Variants in TADA2A observed in about 807,000 individuals in gnomAD.
TADA2A encodes the protein transcriptional adaptor 2A.
Under a neutral mutation model 67.4 loss-of-function variants are expected in TADA2A, and 38 were observed. That is an observed-to-expected ratio of 0.56 (90% CI 0.44 to 0.74). The LOEUF (loss-of-function observed/expected upper bound fraction) is 0.74. Among genes scored for constraint, TADA2A ranks in the 30% least tolerant of loss-of-function variants. The probability of loss-of-function intolerance (pLI) is 0.00; values close to 1 mark genes in which losing one functional copy is unlikely to be tolerated. For synonymous variants in TADA2A, 192 were observed against 181.6 expected (o/e 1.06, Z -0.46); for missense variants, 454 against 547.0 (o/e 0.83, Z 1.70).
At chr17:37,449,995 T>G (rs1023574568) in intron 8 of TADA2A, among the ~76,000 whole-genome samples, 1 of 152,166 alleles carries the variant, frequency 6.6e-6, no homozygotes, top group African/African-American at 2.4e-5. Flanking sequence ...GGTGTCAATC[T>G]TTTGGCTTCC....
chr17:37,443,789 T>C (rs1379773347), intron 7 of TADA2A, among the ~76,000 whole-genome samples: 2 of 152,242 alleles, frequency 1.3e-5, no homozygotes, highest in African/African-American at 2.4e-5. Flanking sequence ...GACAGTAGGC[T>C]GAATAGTAGT....
intron 2 of TADA2A, 137 bp downstream of exon 2, chr17:37,411,527 G>T (rs914447051): frequency 5.0e-6 from 4 of 803,594 alleles, no homozygotes; most frequent in Admixed American, 4.3e-5. Context: ...GCTTTAAACG[G>T]TTCTCCTGCC....
At chr17:37,460,386 C>T (rs2053519880) in intron 9 of TADA2A, among the ~76,000 whole-genome samples, 1 of 152,074 alleles carries the variant, frequency 6.6e-6, no homozygotes, top group African/African-American at 2.4e-5. Context: ...GCTGGGACTA[C>T]AGGCACGTGC....
intron 7 of TADA2A, among the ~76,000 whole-genome samples, chr17:37,444,349 G>A (rs1047179690): frequency 5.3e-5 from 8 of 151,914 alleles, no homozygotes; most frequent in African/African-American, 1.9e-4. Flanking sequence ...TGAACTCCTG[G>A]TCTCAAGTGA....
chr17:37,409,602 A>G (rs1005267703), intron 1 of TADA2A, among the ~76,000 whole-genome samples: 19 of 143,570 alleles, frequency 1.3e-4, no homozygotes, highest in Admixed American at 1.1e-3. Context: ...CCCCGTCTCT[A>G]CTAAAAATAC....
In TADA2A at chr17:37,467,577, A is replaced by T. The variant is rs371063183; in HGVS notation, c.895+52A>T. The T allele has an allele frequency of 2.3e-4, 334 of 1,425,468 alleles. No homozygotes were observed. The African/African-American group carries it at 4.2e-3, about 18-fold the overall frequency. The allele number at this position is 1,425,468 out of a possible 1,614,324, so 88.3% of individuals were successfully genotyped here. A position where few individuals can be genotyped will look rare whatever the true frequency, so the allele number is the denominator to read the frequency against. ...ACTTGAGGGCAAGTATCTTCCAGAC[A>T]CACAGAGGAAGTCTCTGAATTGTTG... On this transcript the variant is annotated intron_variant, in intron 12 of 15. Coordinates refer to ENST00000615182, the MANE Select transcript of TADA2A (RefSeq NM_001166105.3).
chr17:37,430,294 TA>T (rs1192799946), intron 4 of TADA2A, among the ~76,000 whole-genome samples: 2 of 152,234 alleles, frequency 1.3e-5, no homozygotes, highest in Non-Finnish European at 1.5e-5. Flanking sequence ...TGGGGGTTAC[TA>T]ATACTTCCTT....
rs372178143 is a variant in TADA2A, at chr17:37,478,388, GT to G, written c.*1409del. On this transcript the variant is annotated 3_prime_UTR_variant, in exon 16 of 16. Coordinates refer to ENST00000615182, the MANE Select transcript of TADA2A (RefSeq NM_001166105.3). The stretch of plus-strand genomic sequence containing the variant: ...TGAACTCACCCTGTTTTTGCCCTGG[GT>G]TTCCCAGGATACCAAGCCCCTGAGG... 596 of 152,256 alleles carry G rather than the reference GT, an allele frequency of 3.9e-3. 2 individuals carry two copies. Among genetic ancestry groups the G allele is most frequent in the African/African-American group, 0.013 (559 of 41,538 alleles). The allele number at this position is 152,256 out of a possible 1,614,324, so 9.4% of individuals were successfully genotyped here.
intron 4 of TADA2A, among the ~76,000 whole-genome samples, chr17:37,435,872 TC>T (rs1371888952): frequency 6.6e-6 from 1 of 151,544 alleles, no homozygotes; most frequent in Non-Finnish European, 1.5e-5. Context: ...ATGCCAACAC[TC>T]CCAGCTAATT....
chr17:37,462,644 A>AT (rs779095467), intron 10 of TADA2A, among the ~76,000 whole-genome samples: 2 of 141,950 alleles, frequency 1.4e-5, no homozygotes, highest in Admixed American at 7.6e-5. Flanking sequence ...AAATAAATAA[A>AT]TAAATAAGCA....
intron 14 of TADA2A, among the ~76,000 whole-genome samples, chr17:37,473,330 C>T (rs1157235031): frequency 6.6e-6 from 1 of 151,844 alleles, no homozygotes; most frequent in Non-Finnish European, 1.5e-5. Context: ...TATATTTAGG[C>T]TGAGGAGATC....
rs1049588295 is a variant in TADA2A, at chr17:37,464,587, C to T, written c.713-844C>T. ...GGGCGCGGTGGCTCACACCTGTAAT[C>T]CTAGCACTTTGGGAGGCCGAGGCGA... On this transcript the variant is annotated intron_variant, in intron 10 of 15. Transcript: ENST00000615182. Among the ~76,000 whole-genome samples, 4 of 151,874 alleles carry T rather than the reference C, an allele frequency of 2.6e-5. No homozygotes were observed. The South Asian group carries it at 8.3e-4, about 31-fold the overall frequency.
chr17:37,411,742 T>C (rs560515871), intron 2 of TADA2A, among the ~76,000 whole-genome samples: 6 of 151,550 alleles, frequency 4.0e-5, no homozygotes, highest in Non-Finnish European at 1.5e-5. Context: ...CAGGTGACTA[T>C]TAATAGCAAA....
At chr17:37,432,105 G>A (rs2052585587) in intron 4 of TADA2A, among the ~76,000 whole-genome samples, 1 of 151,564 alleles carries the variant, frequency 6.6e-6, no homozygotes, top group African/African-American at 2.4e-5. Flanking sequence ...GCATATATAT[G>A]GAATCATACT....
At chr17:37,454,654 A>T in intron 8 of TADA2A, 1 of 258,056 alleles carries the variant, frequency 3.9e-6, no homozygotes, top group African/African-American at 2.3e-5. Flanking sequence ...AAGAAAGCAT[A>T]AAAAAGGGAC....
At position 37,477,272 on chromosome 17, in the gene TADA2A, C is replaced by T; in HGVS notation, c.*290C>T. The stretch of plus-strand genomic sequence containing the variant: ...TGTAACTAAAAGAACCATAGTACCT[C>T]ACATCACAGTGCTGGTAGAAATGGA... On this transcript the variant is annotated 3_prime_UTR_variant, in exon 16 of 16. Transcript: ENST00000615182. 1 of 316,228 alleles carries T rather than the reference C, an allele frequency of 3.2e-6. No homozygotes were observed. The highest frequency in any genetic ancestry group is 5.2e-5 in the East Asian group (1 of 19,140). 19.6% of individuals were successfully genotyped at this position (316,228 alleles called of 1,614,324 possible). A position where few individuals can be genotyped will look rare whatever the true frequency, so the allele number is the denominator to read the frequency against.
At chr17:37,417,565 C>T (rs891638999) in intron 2 of TADA2A, among the ~76,000 whole-genome samples, 7 of 151,908 alleles carry the variant, frequency 4.6e-5, no homozygotes, top group Non-Finnish European at 7.4e-5. Context: ...GACATAGTCT[C>T]GCTCTGTTGC....
At chr17:37,465,294 C>T (rs1167227221) in intron 10 of TADA2A, 137 bp from the exon 11 acceptor site, 2 of 643,242 alleles carry the variant, frequency 3.1e-6, no homozygotes, top group Non-Finnish European at 5.4e-6. Context: ...CTGTTTGCTT[C>T]CTGTCATGGA....
At chr17:37,452,224 A>C (rs1253986798) in intron 8 of TADA2A, among the ~76,000 whole-genome samples, 1 of 151,594 alleles carries the variant, frequency 6.6e-6, no homozygotes, top group Non-Finnish European at 1.5e-5. Context: ...CCAATGTGGC[A>C]AAACCCCATC....
Sources: allele counts gnomAD v4.1 joint callset (sites outside exome capture counted in the v4.1 genomes callset), GRCh38; gene constraint gnomAD v4.1.1; transcripts MANE v1.5; gene names NCBI Gene and HGNC (gene_info 2026-07-23, HGNC 2026-07-21).